The following ATP6V0A4 variants were observed in gnomAD, a reference collection of about 807,000 sequenced individuals.
ATP6V0A4 encodes V-type proton ATPase 116 kDa subunit a 4.
In ATP6V0A4, 86 loss-of-function variants were observed where a neutral mutation model predicts 107.3. The ratio of observed to expected loss-of-function variants is 0.80; its 90% CI spans 0.67 to 0.96. The LOEUF (loss-of-function observed/expected upper bound fraction) is 0.96. Among genes scored for constraint, ATP6V0A4 ranks in the 40% least tolerant of loss-of-function variants. The pLI, the probability that ATP6V0A4 is intolerant of heterozygous loss-of-function variation, is 0.00. For synonymous variants in ATP6V0A4, 353 were observed against 381.4 expected, an observed-to-expected ratio of 0.93 and a Z score of 0.87; for missense variants, 908 against 1,045.6, an observed-to-expected ratio of 0.87 and a Z score of 1.81.
intron 1 of ATP6V0A4, among the ~76,000 whole-genome samples, chr7:138,786,933 A>G (rs1808204015): frequency 6.6e-6 from 1 of 152,224 alleles, no homozygotes; most frequent in African/African-American, 2.4e-5. Flanking sequence ...AAGAATTTAA[A>G]TGTACTATCT....
chr7:138,713,601 A>G (rs1001383134), intron 20 of ATP6V0A4, among the ~76,000 whole-genome samples: 1 of 152,160 alleles, frequency 6.6e-6, no homozygotes, highest in African/African-American at 2.4e-5. Flanking sequence ...CAAGACAATT[A>G]TAATTGAAGC....
chr7:138,789,697 G>A (rs969184722), intron 1 of ATP6V0A4, among the ~76,000 whole-genome samples: 12 of 151,406 alleles, frequency 7.9e-5, no homozygotes, highest in African/African-American at 2.9e-4. Context: ...TAGGCCAGGT[G>A]CAGTGGCTCA....
At chr7:138,775,086 C>A (rs1807598275) in intron 2 of ATP6V0A4, among the ~76,000 whole-genome samples, 1 of 152,122 alleles carries the variant, frequency 6.6e-6, no homozygotes, top group Non-Finnish European at 1.5e-5. Context: ...ACAGATCCCC[C>A]ACAGGGACTC....
In ATP6V0A4 at chr7:138,737,127, T is replaced by TATATATATA. The variant is rs1365519910; in HGVS notation, c.1572+2412_1572+2413insTATATATAT. On this transcript the variant is annotated intron_variant, in intron 15 of 21. Transcript: ENST00000310018. ...GTAAGCCCTTATTAATATATATATA[T>TATATATATA]GATACAAACTAACATAGGCACAGAC... is the stretch of plus-strand genomic sequence containing the variant. Among the ~76,000 whole-genome samples the TATATATATA allele has an allele frequency of 6.8e-5, 9 of 131,516 alleles. No homozygotes were observed. In the East Asian group the frequency reaches 9.4e-4, roughly 14 times the overall value. The allele number at this position is 131,516 out of a possible 152,430, so 86.3% of individuals were successfully genotyped here.
chr7:138,726,820 C>T (rs1804749513), intron 18 of ATP6V0A4, among the ~76,000 whole-genome samples: 1 of 152,138 alleles, frequency 6.6e-6, no homozygotes, highest in South Asian at 2.1e-4. Flanking sequence ...AGTTTCAGAG[C>T]TATCATCCAT....
chr7:138,743,033 C>T (rs1805712421), intron 14 of ATP6V0A4, among the ~76,000 whole-genome samples: 2 of 152,000 alleles, frequency 1.3e-5, no homozygotes, highest in East Asian at 3.8e-4. Flanking sequence ...GGAACTTAGG[C>T]CTAGCAGAGA....
At chr7:138,763,198 C>T in intron 5 of ATP6V0A4, 173 bp from the exon 6 acceptor site, 1 of 365,436 alleles carries the variant, frequency 2.7e-6, no homozygotes, top group Non-Finnish European at 3.8e-6. Flanking sequence ...CACACACACA[C>T]ACACACACAC....
intron 10 of ATP6V0A4, among the ~76,000 whole-genome samples, chr7:138,753,913 G>A (rs1806371374): frequency 1.3e-5 from 2 of 152,126 alleles, no homozygotes; most frequent in Non-Finnish European, 2.9e-5. Flanking sequence ...TCTTTGGCAG[G>A]GACTGAGCCA....
chr7:138,753,614 C>T (rs996816970), intron 10 of ATP6V0A4, among the ~76,000 whole-genome samples: 6 of 152,144 alleles, frequency 3.9e-5, no homozygotes, highest in African/African-American at 1.2e-4. Context: ...TTAATGGAAT[C>T]ATTTTTATGT....
intron 18 of ATP6V0A4, among the ~76,000 whole-genome samples, chr7:138,723,102 G>A (rs1804520896): frequency 6.6e-6 from 1 of 151,458 alleles, no homozygotes; most frequent in Non-Finnish European, 1.5e-5. Flanking sequence ...TCATACAGCT[G>A]GCAAGGCTGG....
intron 2 of ATP6V0A4, among the ~76,000 whole-genome samples, chr7:138,783,052 G>A (rs901736367): frequency 7.2e-5 from 11 of 152,112 alleles, no homozygotes; most frequent in South Asian, 4.1e-4. Flanking sequence ...TGCAGCCTGG[G>A]GGACAGAGCA....
At chr7:138,789,289 C>G (rs1437710446) in intron 1 of ATP6V0A4, among the ~76,000 whole-genome samples, 2 of 151,834 alleles carry the variant, frequency 1.3e-5, no homozygotes, top group Non-Finnish European at 2.9e-5. Flanking sequence ...GCTCTGTTGC[C>G]CAGGCTGGAG....
chr7:138,786,207 A>G lies in ATP6V0A4; in HGVS notation c.-67T>C, dbSNP rs1053527135. On this transcript the variant is annotated 5_prime_UTR_variant, in exon 2 of 22. The change abolishes an upstream ATG in the 5' untranslated region. Coordinates refer to ENST00000310018, the MANE Select transcript of ATP6V0A4 (RefSeq NM_020632.3). ...TCTCTTCAGAGAAAAGCTGCTTTACATTCCTTTCATTCCTGTCTTCACTTG... is the reference window on the plus strand; with the variant it reads ...TCTCTTCAGAGAAAAGCTGCTTTACGTTCCTTTCATTCCTGTCTTCACTTG... 6.6e-6 allele frequency: 1 copy of G among 152,250 alleles called. No individual in the cohort carries two copies. The highest frequency in any genetic ancestry group is 2.4e-5 in the African/African-American group (1 of 41,448). 9.4% of individuals were successfully genotyped at this position (152,250 alleles called of 1,614,324 possible).
At chr7:138,775,248 C>T (rs141645880) in intron 2 of ATP6V0A4, among the ~76,000 whole-genome samples, 3,280 of 152,144 alleles carry the variant, frequency 0.022, 120 homozygotes, top group African/African-American at 0.075. Context: ...AATGTTCTAT[C>T]ATCCACACCC....
At chr7:138,787,649 T>C (rs149306309) in intron 1 of ATP6V0A4, among the ~76,000 whole-genome samples, 328 of 152,212 alleles carry the variant, frequency 2.2e-3, no homozygotes, top group African/African-American at 7.4e-3. Context: ...GGCAACACCC[T>C]GTCTCTAAAT....
chr7:138,746,775 G>T (rs182341237), intron 13 of ATP6V0A4, among the ~76,000 whole-genome samples: 147 of 152,078 alleles, frequency 9.7e-4, no homozygotes, highest in African/African-American at 3.4e-3. Flanking sequence ...AAGTGGTGGG[G>T]TTACAGGTGT....
Position 138,762,388 on chromosome 7 carries a change from C to G in ATP6V0A4, c.464G>C (p.Gly155Ala). ...AGGCACTGCTTTCAACTCCAGGAGGCCAGAAGTGTCCTCAGTAAAGAAATC... is the reference window on the plus strand; with the variant it reads ...AGGCACTGCTTTCAACTCCAGGAGGGCAGAAGTGTCCTCAGTAAAGAAATC... ...ADDFFTEDTS[G>A]LLELKAVPAY... Residue 155 changes from glycine (G) to alanine (A), a missense_variant, in exon 7 of 22, where the codon GGC (glycine) becomes GCC (alanine). Coordinates refer to ENST00000310018, the MANE Select transcript of ATP6V0A4 (RefSeq NM_020632.3). The G allele has an allele frequency of 3.1e-6, 5 of 1,614,134 alleles. No homozygotes were observed. Among genetic ancestry groups the G allele is most frequent in the Non-Finnish European group, 4.2e-6 (5 of 1,180,020 alleles).
chr7:138,718,388 G>GT (rs1804218065), intron 19 of ATP6V0A4, among the ~76,000 whole-genome samples: 1 of 129,242 alleles, frequency 7.7e-6, no homozygotes, highest in African/African-American at 3.0e-5. Context: ...GGATGTCTGT[G>GT]GAGGGAGACG....
chr7:138,774,784 A>G (rs1022275021), intron 2 of ATP6V0A4, among the ~76,000 whole-genome samples: 4 of 151,794 alleles, frequency 2.6e-5, no homozygotes, highest in African/African-American at 9.7e-5. Flanking sequence ...CACACTCACC[A>G]TCCTATCAAC....
Sources: allele counts gnomAD v4.1 joint callset (sites outside exome capture counted in the v4.1 genomes callset), GRCh38; gene constraint gnomAD v4.1.1; transcripts MANE v1.5; gene names NCBI Gene and HGNC (gene_info 2026-07-23, HGNC 2026-07-21).